Variants in SPINK6 observed in about 807,000 individuals in gnomAD.
SPINK6 encodes serine protease inhibitor Kazal-type 6.
A neutral mutation model predicts 11.7 loss-of-function variants in SPINK6; 13 were observed. The ratio of observed to expected loss-of-function variants is 1.11; its 90% confidence interval spans 0.72 to 1.76. The LOEUF (loss-of-function observed/expected upper bound fraction) is 1.76. SPINK6 is among the 40% of genes most tolerant of loss of function. The pLI is 0.00. For missense variants in SPINK6, 98 were observed against 93.7 expected (o/e 1.05, Z -0.19); for synonymous variants, 21 against 31.9 (o/e 0.66, Z 1.15).
intron 1 of SPINK6, among the ~76,000 whole-genome samples, chr5:148,204,474 C>A (rs1237309460): frequency 6.7e-6 from 1 of 149,630 alleles, no homozygotes; most frequent in Admixed American, 6.7e-5. Flanking sequence ...AGCATGGATG[C>A]TTCACAGACA....
At chr5:148,214,201 T>C (rs971882543) in intron 3 of SPINK6, among the ~76,000 whole-genome samples, 176 bp downstream of exon 3, 6 of 152,220 alleles carry the variant, frequency 3.9e-5, no homozygotes, top group African/African-American at 1.4e-4. Flanking sequence ...AAACATTACA[T>C]ACTAAATTAT....
chr5:148,214,982 G>A lies in SPINK6; in HGVS notation c.*32G>A, dbSNP rs745313682. On this transcript the variant is annotated 3_prime_UTR_variant, in exon 4 of 4. Transcript: ENST00000325630. Reference sequence around the variant, plus strand: ...GCCAATGTTTCTTGGTGACTTGCCAGCTTTTGCAGCCTTCTTTTCTCACTT... The same window carrying A: ...GCCAATGTTTCTTGGTGACTTGCCAACTTTTGCAGCCTTCTTTTCTCACTT... 10 of 1,608,240 alleles carry A rather than the reference G, an allele frequency of 6.2e-6. No homozygotes were observed. Among genetic ancestry groups the A allele is most frequent in the South Asian group, 1.1e-5 (1 of 90,852 alleles).
intron 3 of SPINK6, 111 bp downstream of exon 3, chr5:148,214,136 T>G (rs1247903457): frequency 3.8e-6 from 2 of 531,328 alleles, no homozygotes; most frequent in Non-Finnish European, 6.4e-6. Context: ...CCATAGAGAC[T>G]GAAGAAACAA....
At chr5:148,212,339 C>G (rs1413750161) in intron 2 of SPINK6, among the ~76,000 whole-genome samples, 2 of 150,368 alleles carry the variant, frequency 1.3e-5, no homozygotes, top group African/African-American at 2.4e-5. Context: ...GACTCTGAAA[C>G]AGGGTAAGGT....
intron 2 of SPINK6, among the ~76,000 whole-genome samples, chr5:148,213,339 G>T (rs1044713914): frequency 1.5e-4 from 23 of 151,996 alleles, no homozygotes; most frequent in African/African-American, 4.8e-4. Context: ...AGCCTCCCGA[G>T]GTGCCCGCCA....
Position 148,206,054 on chromosome 5 carries a change from G to A in SPINK6, c.77G>A (p.Gly26Glu), listed in dbSNP as rs751926170. The change falls in exon 2 of 4, where the codon GGA (glycine) becomes GAA (glutamate). Residue 26 changes from glycine to glutamate, a missense_variant. Gly to Glu is a moderately conservative substitution (Grantham distance 98). Coordinates refer to ENST00000325630, the MANE Select transcript of SPINK6 (RefSeq NM_205841.4). ...CTTTCAGGTGTCTTCAGTCAGGGAG[G>A]ACAGGTCAGTGCCTATTTTTATCTC... is the stretch of plus-strand genomic sequence containing the variant. ...CFLTGVFSQG[G>E]QVDCGEFQDP... 2 of 1,614,020 alleles carry A rather than the reference G, an allele frequency of 1.2e-6. No individual in the cohort carries two copies. The highest frequency in any genetic ancestry group is 2.2e-5 in the South Asian group (2 of 91,082).
At chr5:148,206,285 A>C (rs547167551) in intron 2 of SPINK6, among the ~76,000 whole-genome samples, 2 of 152,336 alleles carry the variant, frequency 1.3e-5, no homozygotes, top group South Asian at 2.1e-4. Context: ...ATAAATAAAA[A>C]ATAGGATGTA....
At chr5:148,210,342 GTGTTTCTGCATA>G in intron 2 of SPINK6, among the ~76,000 whole-genome samples, 6 of 83,654 alleles carry the variant, frequency 7.2e-5, no homozygotes, top group African/African-American at 2.4e-4. Context: ...ACATATATAT[GTGTTTCTGCATA>G]CATATATATG....
chr5:148,208,784 C>T (rs552712871), intron 2 of SPINK6, among the ~76,000 whole-genome samples: 1 of 152,204 alleles, frequency 6.6e-6, no homozygotes, highest in South Asian at 2.1e-4. Context: ...TGTTGTATAG[C>T]GCCAAAATGT....
intron 2 of SPINK6, among the ~76,000 whole-genome samples, chr5:148,210,936 A>G (rs543117712): frequency 6.6e-6 from 1 of 152,342 alleles, no homozygotes; most frequent in Non-Finnish European, 1.5e-5. Context: ...ATTTAACCAC[A>G]TAGGTAGTGT....
intron 2 of SPINK6, among the ~76,000 whole-genome samples, chr5:148,209,971 C>CGTACATATGCATGTATACATACATAT (rs1755551343): frequency 1.4e-5 from 2 of 145,394 alleles, no homozygotes; most frequent in Admixed American, 6.6e-5. Context: ...TACATACATA[C>CGTACATATGCATGTATACATACATAT]GTACGTATGT....
intron 2 of SPINK6, among the ~76,000 whole-genome samples, chr5:148,210,007 C>CATACACACGCACGTATGT (rs1554112271): frequency 9.5e-6 from 1 of 105,730 alleles, no homozygotes. Flanking sequence ...CGTATGTATA[C>CATACACACGCACGTATGT]ATGTATGTAC....
chr5:148,211,335 C>G (rs1165944762), intron 2 of SPINK6, among the ~76,000 whole-genome samples: 1 of 152,118 alleles, frequency 6.6e-6, no homozygotes, highest in Non-Finnish European at 1.5e-5. Context: ...AAATCTTGAA[C>G]CATCAAAGCT....
At chr5:148,202,868 G>T (rs1024863826), upstream of SPINK6, 39 of 396,542 alleles carry the variant, frequency 9.8e-5, no homozygotes, top group African/African-American at 7.8e-4. Flanking sequence ...AGTAGAAAAT[G>T]ACATTCTCTA....
intron 2 of SPINK6, among the ~76,000 whole-genome samples, chr5:148,206,678 T>C (rs1304981386): frequency 6.6e-6 from 1 of 152,224 alleles, no homozygotes; most frequent in East Asian, 1.9e-4. Context: ...ATCTTCATCA[T>C]TGGATTTTTT....
intron 2 of SPINK6, among the ~76,000 whole-genome samples, chr5:148,207,306 T>C (rs1468526919): frequency 6.6e-6 from 1 of 152,184 alleles, no homozygotes; most frequent in Non-Finnish European, 1.5e-5. Flanking sequence ...AGTTTTCTCA[T>C]TAACACACAC....
chr5:148,212,488 ATATATATATAAAGTATATATTT>A lies in SPINK6; in HGVS notation c.82-1393_82-1372del, dbSNP rs1280248369. 3.7e-3 allele frequency among the ~76,000 whole-genome samples: 328 copies of A among 87,930 alleles called. 1 individual carries two copies. The highest frequency in any genetic ancestry group is 0.012 in the African/African-American group (316 of 25,880). 57.7% of individuals were successfully genotyped at this position (87,930 alleles called of 152,430 possible). A position where few individuals can be genotyped will look rare whatever the true frequency, so the allele number is the denominator to read the frequency against. On this transcript the variant is annotated intron_variant, in intron 2 of 3. Coordinates refer to ENST00000325630, the MANE Select transcript of SPINK6 (RefSeq NM_205841.4). ...TCTAAAATACATATTTTTTATATATATATATATATAAAGTATATATTTTATATATATAAAGTATATATTTTAT... is the reference window on the plus strand; with the variant it reads ...TCTAAAATACATATTTTTTATATATATATATATATAAAGTATATATTTTAT...
Position 148,213,964 on chromosome 5 carries a change from C to A in SPINK6, c.136C>A (p.Pro46Thr). 1.9e-6 allele frequency: 3 copies of A among 1,613,882 alleles called. No homozygotes were observed. Among genetic ancestry groups the A allele is most frequent in the South Asian group, 1.1e-5 (1 of 91,078 alleles). Residue 46 changes from proline (P) to threonine (T), a missense_variant, in exon 3 of 4, where the codon CCA becomes ACA. Transcript: ENST00000325630. ...PKVYCTRESN[P>T]HCGSDGQTYG... ...GGTCTACTGCACTCGGGAATCTAAC[C>A]CACACTGTGGCTCTGATGGCCAGAC...
In SPINK6 at chr5:148,208,396, A is replaced by G. The variant is rs371073932; in HGVS notation, c.81+2338A>G. 2.0e-4 allele frequency among the ~76,000 whole-genome samples: 30 copies of G among 152,322 alleles called. No individual in the cohort carries two copies. The East Asian group carries it at 3.1e-3, about 16-fold the overall frequency. On this transcript the variant is annotated intron_variant, in intron 2 of 3. Coordinates refer to ENST00000325630, the MANE Select transcript of SPINK6 (RefSeq NM_205841.4). ...AATGCCAGCAGAAGACATTGAAACT[A>G]TCATTAGGAGCATGCTTGCTCAAGT...
Sources: gnomAD v4.1 joint callset for allele counts (sites outside exome capture counted in the v4.1 genomes callset) on GRCh38, gnomAD v4.1.1 for gene constraint, MANE v1.5 for transcripts, NCBI Gene and HGNC (gene_info 2026-07-23, HGNC 2026-07-21) for gene names.